Variants in IGF2BP2 observed in about 807,000 individuals in gnomAD.
IGF2BP2 encodes the protein insulin like growth factor 2 mRNA binding protein 2.
Under a neutral mutation model 75.8 loss-of-function variants are expected in IGF2BP2, and 17 were observed. That is an observed-to-expected ratio of 0.22 (90% CI 0.15 to 0.34). The LOEUF is 0.34. Among genes scored for constraint, IGF2BP2 ranks in the 10% least tolerant of loss-of-function variants. The probability of loss-of-function intolerance (pLI) is 1.00; values close to 1 mark genes in which losing one functional copy is unlikely to be tolerated. For missense variants in IGF2BP2, 516 were observed against 772.4 expected, an observed-to-expected ratio of 0.67 and a Z score of 3.93; for synonymous variants, 288 against 295.6, an observed-to-expected ratio of 0.97 and a Z score of 0.26.
intron 7 of IGF2BP2, 50 bp from the exon 8 acceptor site, chr3:185,675,963 T>C (rs2149240128): frequency 6.9e-6 from 11 of 1,589,286 alleles, no homozygotes; most frequent in South Asian, 2.3e-5. Flanking sequence ...ATAACGGTTG[T>C]CTCCCAAAAA....
chr3:185,705,630 T>C (rs904146150), intron 2 of IGF2BP2, among the ~76,000 whole-genome samples: 2 of 152,140 alleles, frequency 1.3e-5, no homozygotes, highest in Non-Finnish European at 2.9e-5. Flanking sequence ...CAAAACTCCA[T>C]AGACTGAGGT....
At chr3:185,703,730 A>G (rs1303848897) in intron 2 of IGF2BP2, among the ~76,000 whole-genome samples, 1 of 152,062 alleles carries the variant, frequency 6.6e-6, no homozygotes, top group Non-Finnish European at 1.5e-5. Context: ...GCCGAGACTG[A>G]GCCACTGCAC....
At chr3:185,677,044 G>GATATATATATATATATATATATAT (rs1164588813) in intron 7 of IGF2BP2, among the ~76,000 whole-genome samples, 3 of 23,864 alleles carry the variant, frequency 1.3e-4, no homozygotes, top group Non-Finnish European at 2.0e-4. Flanking sequence ...TATATATGGA[G>GATATATATATATATATATATATAT]ATATATATAT....
intron 2 of IGF2BP2, among the ~76,000 whole-genome samples, chr3:185,734,806 AG>A (rs1728641847): frequency 6.6e-6 from 1 of 152,248 alleles, no homozygotes; most frequent in Non-Finnish European, 1.5e-5. Flanking sequence ...TAGAGTATAG[AG>A]GTCAAGGATT....
chr3:185,706,064 T>C (rs1723975943), intron 2 of IGF2BP2, among the ~76,000 whole-genome samples: 1 of 152,206 alleles, frequency 6.6e-6, no homozygotes, highest in African/African-American at 2.4e-5. Flanking sequence ...AGATTCTTAA[T>C]TGTTTCCTGT....
At chr3:185,753,903 G>A (rs979360031) in intron 2 of IGF2BP2, among the ~76,000 whole-genome samples, 2 of 152,000 alleles carry the variant, frequency 1.3e-5, no homozygotes, top group African/African-American at 4.8e-5. Context: ...GCAAGATCTG[G>A]TTGTTTAAAA....
chr3:185,734,097 A>G (rs760124674), intron 2 of IGF2BP2, among the ~76,000 whole-genome samples: 2 of 152,192 alleles, frequency 1.3e-5, no homozygotes, highest in Non-Finnish European at 2.9e-5. Flanking sequence ...ACATTTCCTT[A>G]GGAATACAGT....
chr3:185,724,163 G>A (rs989275713), intron 2 of IGF2BP2, among the ~76,000 whole-genome samples: 5 of 152,198 alleles, frequency 3.3e-5, no homozygotes, highest in African/African-American at 9.6e-5. Flanking sequence ...CAGACAGCAC[G>A]TGAGCAAAAT....
Position 185,652,115 on chromosome 3 carries a change from C to G in IGF2BP2, c.1440G>C (p.Gly480=), listed in dbSNP as rs749215053. Residue 480 remains glycine, a synonymous_variant, in exon 13 of 16, where the codon GGG becomes GGC. Coordinates refer to ENST00000382199, the MANE Select transcript of IGF2BP2 (RefSeq NM_006548.6). The part of the protein sequence containing the change: ...DVSERMVIIT[G]PPEAQFKAQG... ...TAACCTTGAACTGGGCTTCCGGTGG[C>G]CCGGTGATGATGACCATCCTTTCGC... 6.2e-7 allele frequency: 1 copy of G among 1,612,684 alleles called. No homozygotes were observed.
chr3:185,824,585 T>G, intron 1 of IGF2BP2, among the ~76,000 whole-genome samples, 198 bp downstream of exon 1: 1 of 104,240 alleles, frequency 9.6e-6, no homozygotes. Context: ...GAGGGCAGAG[T>G]CCAGAGCTGT....
chr3:185,749,125 T>G (rs967492209), intron 2 of IGF2BP2, among the ~76,000 whole-genome samples: 3 of 152,234 alleles, frequency 2.0e-5, no homozygotes, highest in African/African-American at 7.2e-5. Context: ...GATCACGCCA[T>G]TGCATTCCAG....
At chr3:185,807,146 A>G (rs1015329132) in intron 2 of IGF2BP2, among the ~76,000 whole-genome samples, 1 of 152,184 alleles carries the variant, frequency 6.6e-6, no homozygotes, top group Non-Finnish European at 1.5e-5. Flanking sequence ...GTGTTTTAAA[A>G]TTTTCAATTA....
chr3:185,800,301 T>C lies in IGF2BP2; in HGVS notation c.239+22852A>G, dbSNP rs569269968. On this transcript the variant is annotated intron_variant, in intron 2 of 15. Coordinates refer to ENST00000382199, the MANE Select transcript of IGF2BP2 (RefSeq NM_006548.6). ...GGAGAGTGGGGGACTGGGGGAGGTATAGCATTAGGAGAAACACCTAATGTA... is the reference window on the plus strand; with the variant it reads ...GGAGAGTGGGGGACTGGGGGAGGTACAGCATTAGGAGAAACACCTAATGTA... 5.9e-5 allele frequency among the ~76,000 whole-genome samples: 9 copies of C among 152,072 alleles called. No individual in the cohort carries two copies. In the East Asian group the frequency reaches 1.5e-3, roughly 26 times the overall value.
At chr3:185,748,238 A>G (rs1730519827) in intron 2 of IGF2BP2, among the ~76,000 whole-genome samples, 1 of 152,118 alleles carries the variant, frequency 6.6e-6, no homozygotes, top group Non-Finnish European at 1.5e-5. Flanking sequence ...CATTTAGACT[A>G]CCTTCACAGG....
At chr3:185,685,499 C>T (rs958487249) in intron 7 of IGF2BP2, among the ~76,000 whole-genome samples, 1 of 152,046 alleles carries the variant, frequency 6.6e-6, no homozygotes, top group South Asian at 2.1e-4. Flanking sequence ...CTTATGAAAT[C>T]TAAGAATAGA....
At chr3:185,746,969 G>A (rs1730321435) in intron 2 of IGF2BP2, among the ~76,000 whole-genome samples, 1 of 152,110 alleles carries the variant, frequency 6.6e-6, no homozygotes, top group Non-Finnish European at 1.5e-5. Context: ...GCCTTCTTCT[G>A]GAAGTGTGAT....
chr3:185,721,344 G>C (rs1487736734), intron 2 of IGF2BP2, among the ~76,000 whole-genome samples: 1 of 152,048 alleles, frequency 6.6e-6, no homozygotes, highest in Admixed American at 6.6e-5. Flanking sequence ...TGAGATTACA[G>C]GTACCCACCA....
chr3:185,654,668 C>T (rs1046801691), intron 12 of IGF2BP2, among the ~76,000 whole-genome samples: 1 of 152,232 alleles, frequency 6.6e-6, no homozygotes, highest in African/African-American at 2.4e-5. Context: ...CACACACTCC[C>T]TCTAAAGGGG....
At chr3:185,774,193 A>G (rs1734234712) in intron 2 of IGF2BP2, among the ~76,000 whole-genome samples, 1 of 152,200 alleles carries the variant, frequency 6.6e-6, no homozygotes, top group Non-Finnish European at 1.5e-5. Context: ...CTAGAGCACA[A>G]GCAAGCAGGA....
Sources: gnomAD v4.1 joint callset for allele counts (sites outside exome capture counted in the v4.1 genomes callset) on GRCh38, gnomAD v4.1.1 for gene constraint, MANE v1.5 for transcripts, NCBI Gene and HGNC (gene_info 2026-07-23, HGNC 2026-07-21) for gene names.